The following IQCM variants were observed in gnomAD, a reference collection of about 807,000 sequenced individuals.
IQCM encodes the protein IQ motif containing M.
In IQCM, 45 loss-of-function variants were observed where a neutral mutation model predicts 57.6. The ratio of observed to expected loss-of-function variants is 0.78; its 90% CI spans 0.62 to 1.00. The LOEUF (loss-of-function observed/expected upper bound fraction) is 1.00. Ranked by LOEUF, IQCM falls within the 50% of genes least tolerant of loss-of-function variation. The probability of loss-of-function intolerance (pLI) is 0.00; values close to 1 mark genes in which losing one functional copy is unlikely to be tolerated. For missense variants in IQCM, 468 were observed against 511.6 expected, an observed-to-expected ratio of 0.91 and a Z score of 0.82; for synonymous variants, 148 against 158.9, an observed-to-expected ratio of 0.93 and a Z score of 0.51.
chr4:149,488,729 T>G (rs894809113), intron 12 of IQCM, among the ~76,000 whole-genome samples: 1 of 152,086 alleles, frequency 6.6e-6, no homozygotes, highest in Admixed American at 6.6e-5. Flanking sequence ...AACTTTAATT[T>G]GGAACAATTT....
At chr4:149,476,359 A>G (rs894156523) in intron 12 of IQCM, among the ~76,000 whole-genome samples, 1 of 152,052 alleles carries the variant, frequency 6.6e-6, no homozygotes, top group Non-Finnish European at 1.5e-5. Flanking sequence ...GAGTGGCAGG[A>G]GGAGTATAGA....
intron 12 of IQCM, among the ~76,000 whole-genome samples, chr4:149,543,549 T>A (rs1748069382): frequency 7.5e-6 from 1 of 133,360 alleles, no homozygotes; most frequent in Non-Finnish European, 1.5e-5. Context: ...CATCATTTTT[T>A]ATGGCTGCAT....
intron 9 of IQCM, among the ~76,000 whole-genome samples, chr4:149,575,851 G>C (rs1050163663): frequency 1.6e-5 from 1 of 61,240 alleles, no homozygotes; most frequent in Admixed American, 2.3e-4. Context: ...GGAGGCAGAA[G>C]ACATTTTCCA....
At chr4:149,780,963 T>A (rs1009107619) in intron 2 of IQCM, among the ~76,000 whole-genome samples, 13 of 152,152 alleles carry the variant, frequency 8.5e-5, no homozygotes, top group African/African-American at 3.1e-4. Context: ...ATAATAGGCA[T>A]TCAAATGGTG....
intron 13 of IQCM, among the ~76,000 whole-genome samples, chr4:149,390,054 G>C (rs527881089): frequency 6.6e-6 from 1 of 152,042 alleles, no homozygotes; most frequent in East Asian, 1.9e-4. Context: ...GATCAGGTTG[G>C]AGAGACCACC....
rs1054344763 is a variant in IQCM at position 149,477,437 on chromosome 4, G to T, written c.1229-43880C>A. ...CTCTGGTAAGAGGGAGAGGACATGT[G>T]AAAAACCAGGAGGTGAATATTTAGA... is the stretch of plus-strand genomic sequence containing the variant. On this transcript the variant is annotated intron_variant, in intron 12 of 13. Transcript: ENST00000636793. Among the ~76,000 whole-genome samples the T allele has an allele frequency of 3.3e-5, 5 of 152,066 alleles. No homozygotes were observed. The East Asian group carries it at 9.7e-4, about 29-fold the overall frequency.
intron 7 of IQCM, among the ~76,000 whole-genome samples, chr4:149,672,388 A>G (rs1761374996): frequency 6.6e-6 from 1 of 152,186 alleles, no homozygotes; most frequent in Non-Finnish European, 1.5e-5. Context: ...AAAAAAGATT[A>G]GACAAGAGGC....
At chr4:149,380,244 GAA>G (rs1730984155) in intron 13 of IQCM, among the ~76,000 whole-genome samples, 1 of 151,974 alleles carries the variant, frequency 6.6e-6, no homozygotes, top group East Asian at 1.9e-4. Context: ...GTGTGTGTGT[GAA>G]AAGATTATTG....
At chr4:149,441,344 C>A (rs551400336) in intron 12 of IQCM, among the ~76,000 whole-genome samples, 1 of 152,226 alleles carries the variant, frequency 6.6e-6, no homozygotes, top group East Asian at 1.9e-4. Context: ...AATAAGTTAT[C>A]TGCTCACAAA....
intron 2 of IQCM, among the ~76,000 whole-genome samples, chr4:149,799,419 A>C (rs1773404154): frequency 6.6e-6 from 1 of 151,836 alleles, no homozygotes; most frequent in Non-Finnish European, 1.5e-5. Flanking sequence ...CTAATGATGC[A>C]TCTAAAAGAA....
intron 8 of IQCM, among the ~76,000 whole-genome samples, chr4:149,618,370 T>C (rs1755983188): frequency 6.6e-6 from 1 of 152,134 alleles, no homozygotes; most frequent in African/African-American, 2.4e-5. Context: ...ATTAAAGACT[T>C]AAATGTAAGA....
In IQCM at chr4:149,671,232, T is replaced by TTTATCCA. The variant is rs1761252365; in HGVS notation, c.565+10879_565+10885dup. The stretch of plus-strand genomic sequence containing the variant: ...TTGGGAGGGTGTGTGTGTCCAGGAA[T>TTTATCCA]TTATCCATTTCTTCTAGATTATCTA... On this transcript the variant is annotated intron_variant, in intron 7 of 13. Coordinates refer to ENST00000636793, the MANE Select transcript of IQCM (RefSeq NM_001363507.2). Among the ~76,000 whole-genome samples the TTTATCCA allele has an allele frequency of 3.9e-5, 6 of 152,340 alleles. No homozygotes were observed. The South Asian group carries it at 1.2e-3, about 32-fold the overall frequency.
rs1479588960 is a variant in IQCM, at chr4:149,757,737, A to ATGTG, written c.-48-14999_-48-14998insCACA. 6.1e-5 allele frequency among the ~76,000 whole-genome samples: 6 copies of ATGTG among 99,048 alleles called. No individual in the cohort carries two copies. In the East Asian group the frequency reaches 1.6e-3, roughly 26 times the overall value. The allele number at this position is 99,048 out of a possible 152,430, so 65.0% of individuals were successfully genotyped here. A position where few individuals can be genotyped will look rare whatever the true frequency, so the allele number is the denominator to read the frequency against. On this transcript the variant is annotated intron_variant, in intron 2 of 13. Transcript: ENST00000636793. ...TAACATTAGATATATTCCTGATATT[A>ATGTG]TATATGTGTGTGTGTGTGTGTGTGT... is the stretch of plus-strand genomic sequence containing the variant.
At chr4:149,744,114 C>T (rs1253280347) in intron 2 of IQCM, among the ~76,000 whole-genome samples, 2 of 152,188 alleles carry the variant, frequency 1.3e-5, no homozygotes, top group African/African-American at 2.4e-5. Context: ...AAGGCTACAA[C>T]ACTTTTCCTC....
At chr4:149,798,966 A>G (rs1295624109) in intron 2 of IQCM, among the ~76,000 whole-genome samples, 1 of 152,042 alleles carries the variant, frequency 6.6e-6, no homozygotes, top group Admixed American at 6.6e-5. Context: ...CTTAATTTGC[A>G]CTATACACCA....
intron 11 of IQCM, among the ~76,000 whole-genome samples, chr4:149,551,397 T>C (rs969164700): frequency 2.0e-5 from 3 of 152,088 alleles, no homozygotes; most frequent in Admixed American, 6.6e-5. Context: ...TATTTTAGGA[T>C]GCAAAAATAT....
chr4:149,761,836 C>T (rs1251353578), intron 2 of IQCM, among the ~76,000 whole-genome samples: 2 of 152,040 alleles, frequency 1.3e-5, no homozygotes, highest in Non-Finnish European at 2.9e-5. Context: ...TAGCTACTGA[C>T]TTCTTGTATG....
intron 12 of IQCM, among the ~76,000 whole-genome samples, chr4:149,477,429 G>A (rs1740316290): frequency 6.6e-6 from 1 of 152,066 alleles, no homozygotes; most frequent in South Asian, 2.1e-4. Flanking sequence ...AAGAGGGAGA[G>A]GACATGTGAA....
chr4:149,806,286 T>C (rs1774073159), intron 2 of IQCM, among the ~76,000 whole-genome samples: 1 of 151,912 alleles, frequency 6.6e-6, no homozygotes, highest in Admixed American at 6.6e-5. Flanking sequence ...TTTAAGGAGG[T>C]ATATCGGTCA....
Sources: gnomAD v4.1 joint callset for allele counts (sites outside exome capture counted in the v4.1 genomes callset) on GRCh38, gnomAD v4.1.1 for gene constraint, MANE v1.5 for transcripts, NCBI Gene and HGNC (gene_info 2026-07-23, HGNC 2026-07-21) for gene names.